BEST1: variants seen among roughly 807,000 people sequenced by gnomAD.
BEST1 encodes the protein bestrophin-1.
In BEST1, 58 loss-of-function variants were observed where a neutral mutation model predicts 63.3. That is an observed-to-expected ratio of 0.92 (90% CI 0.74 to 1.14). The LOEUF is 1.14. Among genes scored for constraint, BEST1 ranks in the 50% most tolerant of loss-of-function variants. The pLI is 0.00. For missense variants in BEST1, 671 were observed against 740.1 expected, an observed-to-expected ratio of 0.91 and a Z score of 1.08; for synonymous variants, 283 against 291.6, an observed-to-expected ratio of 0.97 and a Z score of 0.30.
rs191141716 is a variant in BEST1 at position 61,960,633 on chromosome 11, G to A, written c.1100+590G>A. 4.4e-3 allele frequency: 686 copies of A among 157,258 alleles called. 2 individuals carry two copies. The highest frequency in any genetic ancestry group is 7.7e-3 in the Non-Finnish European group (543 of 70,744). 9.7% of individuals were successfully genotyped at this position (157,258 alleles called of 1,614,324 possible). A position where few individuals can be genotyped will look rare whatever the true frequency, so the allele number is the denominator to read the frequency against. ...TCTGCCCGCTTTGGCCTCCCAAAAT[G>A]CTGGAATTATAGGTGTCAAAACTAT... On this transcript the variant is annotated intron_variant, in intron 9 of 10. Transcript: ENST00000378043.
chr11:61,964,659 C>A, downstream of BEST1: 1 of 1,518,696 alleles, frequency 6.6e-7, no homozygotes, highest in South Asian at 1.1e-5. Context: ...AAGGAAACCC[C>A]AACATGCATG....
At chr11:61,958,340 G>C in intron 7 of BEST1, 42 bp downstream of exon 7, 1 of 1,613,994 alleles carries the variant, frequency 6.2e-7, no homozygotes, top group South Asian at 1.1e-5. Flanking sequence ...GGCATGGCCA[G>C]AGGGGTCATG....
At chr11:61,957,164 C>T (rs1391163799) in intron 5 of BEST1, among the ~76,000 whole-genome samples, 166 bp downstream of exon 5, 6 of 152,088 alleles carry the variant, frequency 3.9e-5, no homozygotes, top group Non-Finnish European at 8.8e-5. Context: ...CGAGGTGGTC[C>T]CTTCTCAGAG....
intron 10 of BEST1, chr11:61,963,486 C>T: frequency 9.3e-7 from 1 of 1,079,828 alleles, no homozygotes; most frequent in Non-Finnish European, 1.1e-6. Context: ...CCAAAGCTGT[C>T]ACAAAATCAG....
chr11:61,962,127 T>C, intron 9 of BEST1, 128 bp from the exon 10 acceptor site: 2 of 921,076 alleles, frequency 2.2e-6, no homozygotes, highest in South Asian at 1.5e-5. Context: ...AGCTGGGGCA[T>C]GGTGAGGAAG....
intron 4 of BEST1, among the ~76,000 whole-genome samples, chr11:61,956,166 G>C (rs1941329440): frequency 6.6e-6 from 1 of 152,178 alleles, no homozygotes. Context: ...CCCTCCGAGA[G>C]TAGGAGTCTG....
chr11:61,959,790 G>T, intron 8 of BEST1, 102 bp from the exon 9 acceptor site: 1 of 1,522,162 alleles, frequency 6.6e-7, no homozygotes. Flanking sequence ...CAGGGAAACT[G>T]AGGTCCAGAG....
chr11:61,962,054 G>A, intron 9 of BEST1: 1 of 614,302 alleles, frequency 1.6e-6, no homozygotes, highest in Admixed American at 2.8e-5. Context: ...TCAACAAACA[G>A]TGAGGTGAGC....
In BEST1 at chr11:61,956,739, GA is replaced by G. The variant is rs1466849689; in HGVS notation, c.482-102del. On this transcript the variant is annotated intron_variant, in intron 4 of 10. Coordinates refer to ENST00000378043, the MANE Select transcript of BEST1 (RefSeq NM_004183.4). ...CTCAGAAATTTTTTTGTTGTTGAAAGAAAGAGGATGGCAAAGGAGTGCTGAG... is the reference window on the plus strand; with the variant it reads ...CTCAGAAATTTTTTTGTTGTTGAAAGAAGAGGATGGCAAAGGAGTGCTGAG... 1.1e-5 allele frequency: 16 copies of G among 1,448,578 alleles called. No homozygotes were observed. The South Asian group carries it at 1.7e-4, about 16-fold the overall frequency. The allele number at this position is 1,448,578 out of a possible 1,614,324, so 89.7% of individuals were successfully genotyped here. A position where few individuals can be genotyped will look rare whatever the true frequency, so the allele number is the denominator to read the frequency against.
At position 61,962,421 on chromosome 11, in the gene BEST1, G is replaced by A. The variant is rs779855350; in HGVS notation, c.1267G>A (p.Glu423Lys). 14 of 1,614,046 alleles carry A rather than the reference G, an allele frequency of 8.7e-6. No homozygotes were observed. Among genetic ancestry groups the A allele is most frequent in the East Asian group, 6.7e-5 (3 of 44,888 alleles). Residue 423 changes from glutamate to lysine, a missense_variant, in exon 10 of 11, where the codon GAG becomes AAG. By Grantham distance (56) the Glu-to-Lys change is moderately conservative. Transcript: ENST00000378043. ...GCCCAAGAGGGAATCCCTTCTCCACGAGGGCCTGCCCAAAAACCACAAGGC... is the reference window on the plus strand; with the variant it reads ...GCCCAAGAGGGAATCCCTTCTCCACAAGGGCCTGCCCAAAAACCACAAGGC... ...LWPKRESLLH[E>K]GLPKNHKAAK...
chr11:61,960,248 G>C lies in BEST1; in HGVS notation c.1100+205G>C, dbSNP rs114089741. 2.0e-4 allele frequency: 145 copies of C among 726,208 alleles called. No individual in the cohort carries two copies. The African/African-American group carries it at 2.1e-3, about 10-fold the overall frequency. 45.0% of individuals were successfully genotyped at this position (726,208 alleles called of 1,614,324 possible). A position where few individuals can be genotyped will look rare whatever the true frequency, so the allele number is the denominator to read the frequency against. The stretch of plus-strand genomic sequence containing the variant: ...AAGTTTTCAGATAATTAAAGTACAG[G>C]TTCAGAGAGAGTAAGTTGTCCAAGG... On this transcript the variant is annotated intron_variant, in intron 9 of 10. Coordinates refer to ENST00000378043, the MANE Select transcript of BEST1 (RefSeq NM_004183.4).
chr11:61,957,142 C>A, intron 5 of BEST1, 144 bp downstream of exon 5: 2 of 1,281,902 alleles, frequency 1.6e-6, no homozygotes, highest in Non-Finnish European at 2.2e-6. Flanking sequence ...TTTCCAACAG[C>A]AATCCACAGC....
In BEST1 at chr11:61,955,867, A is replaced by C. The variant is rs755851136; in HGVS notation, c.397A>C (p.Asn133His). ...LLRRTLIRYA[N>H]LGNVLILRSV... ...GCGGCGCACGCTCATCCGCTACGCCAACCTGGGCAACGTGCTCATCCTGCG... is the reference window on the plus strand; with the variant it reads ...GCGGCGCACGCTCATCCGCTACGCCCACCTGGGCAACGTGCTCATCCTGCG... The change falls in exon 4 of 11, where the codon AAC becomes CAC. Residue 133 changes from asparagine (N) to histidine (H), a missense_variant. Asn to His is a moderately conservative substitution (Grantham distance 68). Transcript: ENST00000378043. 1.4e-5 allele frequency: 22 copies of C among 1,550,434 alleles called. No homozygotes were observed. The highest frequency in any genetic ancestry group is 1.8e-5 in the Non-Finnish European group (21 of 1,146,910).
chr11:61,952,722 C>T (rs557113668), intron 2 of BEST1, among the ~76,000 whole-genome samples: 2 of 151,954 alleles, frequency 1.3e-5, no homozygotes, highest in East Asian at 3.9e-4. Flanking sequence ...AGTGATCCAC[C>T]CACCTCGGCC....
chr11:61,955,800 G>A lies in BEST1; in HGVS notation c.330G>A (p.Val110=), dbSNP rs1428262334. The A allele has an allele frequency of 1.3e-6, 2 of 1,550,346 alleles. No individual in the cohort carries two copies. The change falls in exon 4 of 11, where the codon GTG becomes GTA. Residue 110 remains valine (V), a synonymous_variant. Coordinates refer to ENST00000378043, the MANE Select transcript of BEST1 (RefSeq NM_004183.4). ...LPWPDRLMSL[V]SGFVEGKDEQ... ...GGCCCGACCGCCTCATGAGCCTGGT[G>A]TCGGGCTTCGTCGAAGGCAAGGACG...
Position 61,958,213 on chromosome 11 carries a change from C to G in BEST1, c.782C>G (p.Ala261Gly). 6.2e-7 allele frequency: 1 copy of G among 1,614,202 alleles called. No individual in the cohort carries two copies. The highest frequency in any genetic ancestry group is 8.5e-7 in the Non-Finnish European group (1 of 1,180,028). The change falls in exon 7 of 11, where the codon GCC becomes GGC. Residue 261 changes from alanine to glycine, a missense_variant. Coordinates refer to ENST00000378043, the MANE Select transcript of BEST1 (RefSeq NM_004183.4). ...CLVGRQFLNP[A>G]KAYPGHELDL... Reference sequence around the variant, plus strand: ...GTTGGGCGGCAGTTTCTGAACCCAGCCAAGGCCTACCCTGGCCATGAGCTG... The same window carrying G: ...GTTGGGCGGCAGTTTCTGAACCCAGGCAAGGCCTACCCTGGCCATGAGCTG...
intron 10 of BEST1, 178 bp from the exon 11 acceptor site, chr11:61,963,926 A>T (rs1942337016): frequency 1.4e-6 from 2 of 1,417,228 alleles, no homozygotes; most frequent in East Asian, 5.2e-5. Flanking sequence ...TGAACCCAGG[A>T]GGTGGTGGTT....
intron 10 of BEST1, 163 bp from the exon 11 acceptor site, chr11:61,963,939 AGT>A (rs1942339155): frequency 6.9e-7 from 1 of 1,454,186 alleles, no homozygotes; most frequent in Admixed American, 2.2e-5. Context: ...TGGTGGTTGC[AGT>A]GAGATTGAGC....
intron 2 of BEST1, among the ~76,000 whole-genome samples, chr11:61,952,544 G>A (rs1053006114): frequency 7.2e-6 from 1 of 138,884 alleles, no homozygotes; most frequent in Non-Finnish European, 1.5e-5. Flanking sequence ...TTGGCTCACT[G>A]TAACCTCTGC....
Sources: allele counts gnomAD v4.1 joint callset (sites outside exome capture counted in the v4.1 genomes callset), GRCh38; gene constraint gnomAD v4.1.1; transcripts MANE v1.5; gene names NCBI Gene and HGNC (gene_info 2026-07-23, HGNC 2026-07-21).